The following SPNS2 variants were observed in gnomAD, a reference collection of about 807,000 sequenced individuals.
SPNS2 encodes the protein sphingosine-1-phosphate transporter SPNS2.
In SPNS2, 37 loss-of-function variants were observed where a neutral mutation model predicts 57.6. That is an observed-to-expected ratio of 0.64 (90% CI 0.49 to 0.85). The LOEUF (loss-of-function observed/expected upper bound fraction) is 0.85, where lower values mean the gene tolerates loss of function less well. Ranked by LOEUF, SPNS2 falls within the 40% of genes least tolerant of loss-of-function variation. The pLI is 0.00. For synonymous variants in SPNS2, 440 were observed against 346.9 expected (o/e 1.27, Z -2.98); for missense variants, 831 against 779.1 (o/e 1.07, Z -0.79).
chr17:4,517,320 T>TGGGACAC (rs1253816116), intron 2 of SPNS2, among the ~76,000 whole-genome samples: 1 of 152,200 alleles, frequency 6.6e-6, no homozygotes, highest in Non-Finnish European at 1.5e-5. Context: ...AGAGCCTGCA[T>TGGGACAC]GGGACACGGG....
Position 4,499,446 on chromosome 17 carries a change from A to T in SPNS2, c.370+29A>T. The T allele has an allele frequency of 7.8e-7, 1 of 1,277,344 alleles. No homozygotes were observed. Among genetic ancestry groups the T allele is most frequent in the Non-Finnish European group, 1.0e-6 (1 of 1,000,140 alleles). 79.1% of individuals were successfully genotyped at this position (1,277,344 alleles called of 1,614,324 possible). A position where few individuals can be genotyped will look rare whatever the true frequency, so the allele number is the denominator to read the frequency against. On this transcript the variant is annotated intron_variant, in intron 1 of 12. Transcript: ENST00000329078. The surrounding 1 kb of genome is among the most constrained non-coding windows in gnomAD (Gnocchi z 5.2). ...AGCGAGTGCCCCACCCAGCCCGAGG[A>T]CCAAGACCCCACCCCATCCCACCAC...
intron 2 of SPNS2, among the ~76,000 whole-genome samples, chr17:4,518,038 G>A (rs1305368378): frequency 6.6e-6 from 1 of 152,244 alleles, no homozygotes; most frequent in African/African-American, 2.4e-5. Context: ...GGCTGTTTGT[G>A]GCACTGCCTG....
chr17:4,510,563 G>A lies in SPNS2; in HGVS notation c.371-2684G>A, dbSNP rs1019660287. Among the ~76,000 whole-genome samples, 6 of 152,200 alleles carry A rather than the reference G, an allele frequency of 3.9e-5. No individual in the cohort carries two copies. Among genetic ancestry groups the A allele is most frequent in the Non-Finnish European group, 8.8e-5 (6 of 68,040 alleles). On this transcript the variant is annotated intron_variant, in intron 1 of 12. Coordinates refer to ENST00000329078, the MANE Select transcript of SPNS2 (RefSeq NM_001124758.3). The surrounding 1 kb of genome is among the most constrained non-coding windows in gnomAD (Gnocchi z 4.4). ...CTTTGATTTGCCGTGGACACAGGAT[G>A]TCATCATGATGGCTATTTTGATATG...
At chr17:4,513,700 C>A (rs1383438053) in intron 2 of SPNS2, among the ~76,000 whole-genome samples, 1 of 152,124 alleles carries the variant, frequency 6.6e-6, no homozygotes, top group Non-Finnish European at 1.5e-5. Flanking sequence ...GCCGTGGTGA[C>A]CCTGTTTTTA....
intron 2 of SPNS2, among the ~76,000 whole-genome samples, chr17:4,522,223 C>T (rs1003134040): frequency 4.6e-5 from 7 of 152,112 alleles, no homozygotes; most frequent in South Asian, 2.1e-4. Flanking sequence ...TGAGCAAACA[C>T]GCCACATCAG....
rs552868500 is a variant in SPNS2 at position 4,519,065 on chromosome 17, C to T, written c.436+5753C>T. 7.4e-4 allele frequency among the ~76,000 whole-genome samples: 112 copies of T among 152,310 alleles called. 3 individuals carry two copies. In the South Asian group the frequency reaches 0.023, roughly 31 times the overall value. On this transcript the variant is annotated intron_variant, in intron 2 of 12. Transcript: ENST00000329078. ...GTCAGCTTGGCCAGCCCAGGCCGTC[C>T]CTTGGATGGCAGAGCCTGGCCCCCG...
intron 1 of SPNS2, among the ~76,000 whole-genome samples, chr17:4,503,424 GAGA>G (rs373313541): frequency 1.3e-5 from 2 of 152,234 alleles, no homozygotes; most frequent in Non-Finnish European, 2.9e-5. Context: ...GCAAGGTCAG[GAGA>G]AGGAGGGAGT....
At chr17:4,526,704 G>A (rs570942832) in intron 3 of SPNS2, among the ~76,000 whole-genome samples, 2 of 152,272 alleles carry the variant, frequency 1.3e-5, no homozygotes, top group East Asian at 3.9e-4. Flanking sequence ...CAGGCTAGAG[G>A]GCCTGGGCTT....
intron 2 of SPNS2, among the ~76,000 whole-genome samples, chr17:4,521,032 G>A (rs745805917): frequency 5.3e-5 from 8 of 152,116 alleles, no homozygotes; most frequent in South Asian, 2.1e-4. Context: ...TTATCTTAGC[G>A]GTAAACTCCT....
intron 1 of SPNS2, among the ~76,000 whole-genome samples, chr17:4,502,599 G>A (rs901725811): frequency 2.6e-5 from 4 of 152,164 alleles, no homozygotes; most frequent in Non-Finnish European, 4.4e-5. Context: ...TCCCAGCCGT[G>A]TGACCTTGAA....
chr17:4,533,321 C>A lies in SPNS2; in HGVS notation c.1167C>A (p.Arg389=). Residue 389 remains arginine, a synonymous_variant, in exon 8 of 13, where the codon CGC becomes CGA. Coordinates refer to ENST00000329078, the MANE Select transcript of SPNS2 (RefSeq NM_001124758.3). Reference sequence around the variant, plus strand: ...GGGCAGGAGCCACGCGCTGGTGCCGCCTGAAGACCCAGCGGGCCGACCCAC... The same window carrying A: ...GGGCAGGAGCCACGCGCTGGTGCCGACTGAAGACCCAGCGGGCCGACCCAC... ...VTGAGATRWC[R]LKTQRADPLV... The A allele has an allele frequency of 6.2e-7, 1 of 1,612,082 alleles. No individual in the cohort carries two copies. The highest frequency in any genetic ancestry group is 8.5e-7 in the Non-Finnish European group (1 of 1,179,614).
intron 9 of SPNS2, among the ~76,000 whole-genome samples, chr17:4,535,214 C>G (rs920039217): frequency 6.6e-6 from 1 of 152,176 alleles, no homozygotes; most frequent in Non-Finnish European, 1.5e-5. Context: ...AGCTTTGAAG[C>G]CAACCTCCTG....
At position 4,533,235 on chromosome 17, in the gene SPNS2, C is replaced by T. The variant is rs1905582957; in HGVS notation, c.1089-8C>T. On this transcript the variant is annotated splice_polypyrimidine_tract_variant and splice_region_variant and intron_variant, in intron 7 of 12. Coordinates refer to ENST00000329078, the MANE Select transcript of SPNS2 (RefSeq NM_001124758.3). ...CAACTCGTGCGCCACCATCCTCTGT[C>T]CCCACAGCCTCATCTTTGGGGCCAT... 1.3e-6 allele frequency: 2 copies of T among 1,593,334 alleles called. No homozygotes were observed. Among genetic ancestry groups the T allele is most frequent in the Admixed American group, 1.7e-5 (1 of 58,882 alleles).
Position 4,536,317 on chromosome 17 carries a change from A to G in SPNS2, c.1498A>G (p.Ser500Gly). Residue 500 changes from serine (S) to glycine (G), a missense_variant, in exon 11 of 13, where the codon AGC becomes GGC. Ser to Gly is a moderately conservative substitution (Grantham distance 56). This residue lies in a region of SPNS2 where 526 missense variants were observed against 400.9 expected (regional missense o/e 1.31). Coordinates refer to ENST00000329078, the MANE Select transcript of SPNS2 (RefSeq NM_001124758.3). ...GGACTCCCCGCTCTGGGAGTTCCTG[A>G]GCCTGGGCTACGCGCTCATGCTCTG... ...TKDSPLWEFL[S>G]LGYALMLCPF... 1 of 1,612,506 alleles carries G rather than the reference A, an allele frequency of 6.2e-7. No individual in the cohort carries two copies.
At chr17:4,520,427 C>G (rs1001072347) in intron 2 of SPNS2, among the ~76,000 whole-genome samples, 41 of 152,140 alleles carry the variant, frequency 2.7e-4, no homozygotes, top group African/African-American at 9.4e-4. Context: ...GGGTCACGTC[C>G]CTCCAGTCCC....
At chr17:4,533,920 T>TGGGGTG in intron 9 of SPNS2, 67 bp downstream of exon 9, 3 of 938,026 alleles carry the variant, frequency 3.2e-6, no homozygotes, top group Non-Finnish European at 3.3e-6. Context: ...CAGGGGTGCC[T>TGGGGTG]GGGGAGGGCG....
intron 3 of SPNS2, among the ~76,000 whole-genome samples, chr17:4,528,242 G>A (rs951500096): frequency 7.2e-5 from 11 of 152,064 alleles, no homozygotes; most frequent in African/African-American, 2.7e-4. Flanking sequence ...AGGCTAGTCT[G>A]GAACTCCTGA....
chr17:4,524,964 C>T, intron 2 of SPNS2, 93 bp from the exon 3 acceptor site: 1 of 1,543,698 alleles, frequency 6.5e-7, no homozygotes, highest in Non-Finnish European at 8.8e-7. Context: ...TCCCTTTGCT[C>T]CACAGACTCT....
chr17:4,513,634 T>C (rs1170917332), intron 2 of SPNS2, among the ~76,000 whole-genome samples: 3 of 152,172 alleles, frequency 2.0e-5, no homozygotes, highest in Non-Finnish European at 2.9e-5. Context: ...CCAGGCTCCC[T>C]CCTGAGGCTG....
Sources: allele counts gnomAD v4.1 joint callset (sites outside exome capture counted in the v4.1 genomes callset), GRCh38; gene constraint gnomAD v4.1.1; regional missense constraint gnomAD v4.1.1; non-coding constraint Gnocchi (gnomAD v3.1); transcripts MANE v1.5; gene names NCBI Gene and HGNC (gene_info 2026-07-23, HGNC 2026-07-21).